Variants in PDE7B observed in about 807,000 individuals in gnomAD.
PDE7B encodes 3',5'-cyclic-AMP phosphodiesterase 7B.
In PDE7B, 29 loss-of-function variants were observed where a neutral mutation model predicts 56.2. The ratio of observed to expected loss-of-function variants is 0.52; its 90% CI spans 0.38 to 0.70. PDE7B has a LOEUF of 0.70. Among genes scored for constraint, PDE7B ranks in the 30% least tolerant of loss-of-function variants. The pLI is 0.00. For missense variants in PDE7B, 490 were observed against 565.0 expected (o/e 0.87, Z 1.35); for synonymous variants, 197 against 196.9 (o/e 1.00, Z 0.00).
intron 5 of PDE7B, among the ~76,000 whole-genome samples, chr6:136,150,694 T>G (rs1778495737): frequency 6.6e-6 from 1 of 152,210 alleles, no homozygotes. Flanking sequence ...CATAGTCAGA[T>G]CTCCTCTTGA....
chr6:135,981,673 A>G (rs767824214), intron 2 of PDE7B, among the ~76,000 whole-genome samples: 9 of 151,416 alleles, frequency 5.9e-5, no homozygotes, highest in Non-Finnish European at 1.3e-4. Flanking sequence ...TTCAGGGGCA[A>G]TAACACACAT....
At chr6:136,144,668 G>A (rs1173271613) in intron 3 of PDE7B, among the ~76,000 whole-genome samples, 2 of 151,654 alleles carry the variant, frequency 1.3e-5, no homozygotes, top group East Asian at 3.9e-4. Context: ...ACTGTCTCTG[G>A]TATTCATTAT....
chr6:136,058,525 T>C (rs555176173), intron 2 of PDE7B, among the ~76,000 whole-genome samples: 1 of 152,218 alleles, frequency 6.6e-6, no homozygotes, highest in African/African-American at 2.4e-5. Flanking sequence ...ACCTGGTTAA[T>C]TACTTTTAAG....
chr6:136,103,093 C>A (rs1454744978), intron 2 of PDE7B, among the ~76,000 whole-genome samples: 1 of 152,172 alleles, frequency 6.6e-6, no homozygotes, highest in Non-Finnish European at 1.5e-5. Context: ...TTCCTACATA[C>A]AAAGCTCTCT....
At chr6:135,860,598 T>A (rs1775126880) in intron 1 of PDE7B, among the ~76,000 whole-genome samples, 1 of 152,000 alleles carries the variant, frequency 6.6e-6, no homozygotes, top group Admixed American at 6.6e-5. Flanking sequence ...TTAATCTCTC[T>A]AGGCCTCGCT....
chr6:136,049,808 C>T (rs866346549), intron 2 of PDE7B, among the ~76,000 whole-genome samples: 30 of 152,184 alleles, frequency 2.0e-4, no homozygotes, highest in Middle Eastern at 6.8e-3. Flanking sequence ...ATTAGTGGGA[C>T]GAGACTGCAT....
chr6:136,125,513 A>G (rs1315665594), intron 3 of PDE7B, among the ~76,000 whole-genome samples: 1 of 152,150 alleles, frequency 6.6e-6, no homozygotes, highest in East Asian at 1.9e-4. Context: ...ACAGTGAGCT[A>G]TGATACAATT....
chr6:136,033,174 G>A (rs769513028), intron 2 of PDE7B, among the ~76,000 whole-genome samples: 1 of 152,202 alleles, frequency 6.6e-6, no homozygotes, highest in Non-Finnish European at 1.5e-5. Context: ...CAGAATAGGA[G>A]GCTGTATTCA....
At chr6:135,961,434 T>C (rs1480832295) in intron 2 of PDE7B, among the ~76,000 whole-genome samples, 1 of 152,102 alleles carries the variant, frequency 6.6e-6, no homozygotes. Flanking sequence ...TAAGTAAAAG[T>C]TAGAATGCAT....
chr6:135,868,372 C>T (rs773507997), intron 1 of PDE7B, among the ~76,000 whole-genome samples: 2 of 152,188 alleles, frequency 1.3e-5, no homozygotes, highest in Non-Finnish European at 2.9e-5. Context: ...ACCATCACCC[C>T]CACTCCAGTG....
At chr6:135,954,347 G>A (rs1196258963) in intron 2 of PDE7B, among the ~76,000 whole-genome samples, 2 of 152,086 alleles carry the variant, frequency 1.3e-5, no homozygotes, top group East Asian at 1.9e-4. Context: ...GCAGTCATCC[G>A]GAGTGCATCT....
At chr6:136,182,725 A>G (rs1249241373) in intron 11 of PDE7B, among the ~76,000 whole-genome samples, 1 of 152,212 alleles carries the variant, frequency 6.6e-6, no homozygotes, top group African/African-American at 2.4e-5. Flanking sequence ...CAGTAAATCA[A>G]AGTTGTCAAC....
intron 2 of PDE7B, among the ~76,000 whole-genome samples, chr6:136,003,060 C>T (rs1775704438): frequency 6.6e-6 from 1 of 152,056 alleles, no homozygotes; most frequent in African/African-American, 2.4e-5. Flanking sequence ...CTCAAAACCA[C>T]TCAACTACAT....
At chr6:136,166,448 G>A (rs571639549) in intron 8 of PDE7B, 20 of 154,886 alleles carry the variant, frequency 1.3e-4, no homozygotes, top group Middle Eastern at 3.0e-3. Flanking sequence ...TCCACAAGAT[G>A]TACAGGAAGC....
chr6:135,930,346 A>G (rs1327086219), intron 1 of PDE7B, among the ~76,000 whole-genome samples: 1 of 152,210 alleles, frequency 6.6e-6, no homozygotes, highest in Non-Finnish European at 1.5e-5. Flanking sequence ...GGGAGCTACA[A>G]AATGAGATTT....
intron 2 of PDE7B, among the ~76,000 whole-genome samples, chr6:135,983,322 G>A (rs921396391): frequency 6.6e-6 from 1 of 152,146 alleles, no homozygotes; most frequent in Admixed American, 6.5e-5. Context: ...TGACCAAAGA[G>A]ACCTGTCCAT....
intron 1 of PDE7B, among the ~76,000 whole-genome samples, chr6:135,860,350 A>G (rs1432876883): frequency 6.6e-6 from 1 of 152,072 alleles, no homozygotes; most frequent in Non-Finnish European, 1.5e-5. Flanking sequence ...AAAATATAAA[A>G]ATGTCTGTTT....
chr6:135,978,807 A>C (rs1424575296), intron 2 of PDE7B, among the ~76,000 whole-genome samples: 1 of 152,076 alleles, frequency 6.6e-6, no homozygotes, highest in Non-Finnish European at 1.5e-5. Flanking sequence ...TAGATATACA[A>C]TCATGTCGTC....
At chr6:135,963,731 A>G (rs1207555160) in intron 2 of PDE7B, among the ~76,000 whole-genome samples, 1 of 152,210 alleles carries the variant, frequency 6.6e-6, no homozygotes, top group African/African-American at 2.4e-5. Flanking sequence ...TGGAAAGGAA[A>G]GGTGATTGGC....
Sources: gnomAD v4.1 joint callset for allele counts (sites outside exome capture counted in the v4.1 genomes callset) on GRCh38, gnomAD v4.1.1 for gene constraint, MANE v1.5 for transcripts, NCBI Gene and HGNC (gene_info 2026-07-23, HGNC 2026-07-21) for gene names.